The following VPS41 variants were observed in gnomAD, a reference collection of about 807,000 sequenced individuals.
VPS41 encodes the protein vacuolar protein sorting-associated protein 41 homolog.
Under a neutral mutation model 130.9 loss-of-function variants are expected in VPS41, and 85 were observed. The observed-to-expected ratio is 0.65, with a 90% CI of 0.55 to 0.78. VPS41 has a LOEUF of 0.78. Among genes scored for constraint, VPS41 ranks in the 30% least tolerant of loss-of-function variants. The probability of loss-of-function intolerance (pLI) is 0.00; values close to 1 mark genes in which losing one functional copy is unlikely to be tolerated. For synonymous variants in VPS41, 335 were observed against 332.9 expected, an observed-to-expected ratio of 1.01 and a Z score of -0.07; for missense variants, 874 against 1,018.7, an observed-to-expected ratio of 0.86 and a Z score of 1.93.
At chr7:38,877,449 T>C (rs1403809813) in intron 2 of VPS41, among the ~76,000 whole-genome samples, 1 of 152,174 alleles carries the variant, frequency 6.6e-6, no homozygotes, top group Non-Finnish European at 1.5e-5. Flanking sequence ...AACTATATCA[T>C]CTTCTAGCAG....
chr7:38,871,134 G>A (rs1786349146), intron 2 of VPS41, among the ~76,000 whole-genome samples: 1 of 152,102 alleles, frequency 6.6e-6, no homozygotes, highest in African/African-American at 2.4e-5. Context: ...TTCCAAAACT[G>A]ATAAGACATC....
chr7:38,817,277 T>C (rs1785072245), intron 7 of VPS41, among the ~76,000 whole-genome samples: 1 of 152,234 alleles, frequency 6.6e-6, no homozygotes, highest in Admixed American at 6.5e-5. Context: ...GTAACAGCTC[T>C]CTTATTTTCT....
intron 4 of VPS41, among the ~76,000 whole-genome samples, chr7:38,851,698 T>C (rs937387673): frequency 1.3e-5 from 2 of 152,348 alleles, no homozygotes; most frequent in Admixed American, 6.5e-5. Context: ...GAATGTATGA[T>C]AGGTGTATGT....
chr7:38,789,886 G>C lies in VPS41; in HGVS notation c.718-19C>G, dbSNP rs367629676. On this transcript the variant is annotated intron_variant, in intron 9 of 28. Coordinates refer to ENST00000310301, the MANE Select transcript of VPS41 (RefSeq NM_014396.4). ...AGCACACCTGGAAAATAAGTTCGCA[G>C]GTTATTTTATTCATTTGATGGAAAA... The C allele has an allele frequency of 4.3e-6, 7 of 1,612,594 alleles. No individual in the cohort carries two copies. The highest frequency in any genetic ancestry group is 4.2e-6 in the Non-Finnish European group (5 of 1,179,012).
chr7:38,896,277 A>G (rs1786989598), intron 2 of VPS41, among the ~76,000 whole-genome samples: 1 of 152,208 alleles, frequency 6.6e-6, no homozygotes, highest in South Asian at 2.1e-4. Flanking sequence ...GAGATTTCCA[A>G]AATAAGGTAA....
chr7:38,788,657 C>T (rs1286964058), intron 10 of VPS41, among the ~76,000 whole-genome samples: 2 of 152,244 alleles, frequency 1.3e-5, no homozygotes, highest in South Asian at 2.1e-4. Context: ...AAACAATTAT[C>T]TATATAGTCT....
At chr7:38,737,365 C>T (rs1179475478) in intron 25 of VPS41, among the ~76,000 whole-genome samples, 2 of 151,544 alleles carry the variant, frequency 1.3e-5, no homozygotes, top group Non-Finnish European at 2.9e-5. Flanking sequence ...AGCAAGACTC[C>T]GTCTCAAAAA....
intron 2 of VPS41, among the ~76,000 whole-genome samples, chr7:38,882,466 T>A (rs966000460): frequency 3.9e-5 from 6 of 152,244 alleles, no homozygotes; most frequent in Non-Finnish European, 7.3e-5. Flanking sequence ...TCCAGTTTCA[T>A]GGTTTTGAAC....
At chr7:38,872,935 G>A (rs1562618656) in intron 2 of VPS41, among the ~76,000 whole-genome samples, 1 of 152,156 alleles carries the variant, frequency 6.6e-6, no homozygotes, top group Non-Finnish European at 1.5e-5. Flanking sequence ...ATAATAAGAT[G>A]CCACATGTTG....
intron 2 of VPS41, among the ~76,000 whole-genome samples, chr7:38,876,208 A>T (rs1352781435): frequency 6.6e-6 from 1 of 152,246 alleles, no homozygotes; most frequent in Non-Finnish European, 1.5e-5. Flanking sequence ...CCAAAGTGCC[A>T]GTAGCCCCAA....
intron 17 of VPS41, among the ~76,000 whole-genome samples, chr7:38,759,258 G>GA (rs1263528749): frequency 6.6e-6 from 1 of 152,192 alleles, no homozygotes; most frequent in Admixed American, 6.5e-5. Flanking sequence ...AGAATGAACT[G>GA]AATTAGAGGA....
intron 10 of VPS41, among the ~76,000 whole-genome samples, chr7:38,780,466 T>G (rs1455158794): frequency 1.3e-5 from 2 of 151,700 alleles, no homozygotes; most frequent in African/African-American, 4.8e-5. Flanking sequence ...TAGAAATAAC[T>G]CAAGAAAAAA....
chr7:38,749,671 T>C (rs1389145117), intron 22 of VPS41, among the ~76,000 whole-genome samples: 2 of 152,224 alleles, frequency 1.3e-5, no homozygotes, highest in South Asian at 4.1e-4. Flanking sequence ...ACATTTTCTA[T>C]GAGTCGCTCT....
At chr7:38,728,390 A>T in intron 27 of VPS41, 152 bp downstream of exon 27, 1 of 862,942 alleles carries the variant, frequency 1.2e-6, no homozygotes, top group Non-Finnish European at 1.9e-6. Flanking sequence ...CCAGCATTCC[A>T]CTGAGCAGGA....
At chr7:38,788,053 G>C (rs151101854) in intron 10 of VPS41, among the ~76,000 whole-genome samples, 1 of 152,296 alleles carries the variant, frequency 6.6e-6, no homozygotes, top group African/African-American at 2.4e-5. Context: ...TGGGATGAAA[G>C]TCTGCATAGT....
At position 38,772,492 on chromosome 7, in the gene VPS41, ATACT is replaced by A. The variant is rs776570826; in HGVS notation, c.1128+26_1128+29del. 386 of 1,425,384 alleles carry A rather than the reference ATACT, an allele frequency of 2.7e-4. No individual in the cohort carries two copies. The African/African-American group carries it at 4.6e-3, about 17-fold the overall frequency. 88.3% of individuals were successfully genotyped at this position (1,425,384 alleles called of 1,614,324 possible). The stretch of plus-strand genomic sequence containing the variant: ...CTCTCTCTATGCTGTAGATGAGTCA[ATACT>A]TTCAAAGAAGTAAAATCAAGGGTAC... On this transcript the variant is annotated intron_variant, in intron 13 of 28. Transcript: ENST00000310301.
intron 15 of VPS41, 132 bp from the exon 16 acceptor site, chr7:38,765,793 C>G: frequency 3.4e-6 from 2 of 588,632 alleles, no homozygotes; most frequent in Non-Finnish European, 5.8e-6. Context: ...TGATGAATTT[C>G]TATCTCAAGT....
At chr7:38,823,886 T>C (rs969625786) in intron 5 of VPS41, among the ~76,000 whole-genome samples, 2 of 152,194 alleles carry the variant, frequency 1.3e-5, no homozygotes, top group Non-Finnish European at 2.9e-5. Context: ...ATTACTTTTA[T>C]GGAAATATAT....
chr7:38,794,801 GCTGT>G (rs1229012733), intron 9 of VPS41, among the ~76,000 whole-genome samples: 4 of 152,206 alleles, frequency 2.6e-5, no homozygotes, highest in East Asian at 1.9e-4. Context: ...TTCGAATTAA[GCTGT>G]CTATTTTTTA....
Sources: gnomAD v4.1 joint callset for allele counts (sites outside exome capture counted in the v4.1 genomes callset) on GRCh38, gnomAD v4.1.1 for gene constraint, MANE v1.5 for transcripts, NCBI Gene and HGNC (gene_info 2026-07-23, HGNC 2026-07-21) for gene names.